PCDHA11: variants seen among roughly 807,000 people sequenced by gnomAD.
PCDHA11 encodes protocadherin alpha-11.
A neutral mutation model predicts 70.3 loss-of-function variants in PCDHA11; 61 were observed. That is an observed-to-expected ratio of 0.87 (90% CI 0.71 to 1.07). The LOEUF (loss-of-function observed/expected upper bound fraction) is 1.07. PCDHA11 is among the 50% of genes least tolerant of loss of function. The pLI, the probability that PCDHA11 is intolerant of heterozygous loss-of-function variation, is 0.00. For synonymous variants in PCDHA11, 633 were observed against 555.1 expected, an observed-to-expected ratio of 1.14 and a Z score of -1.97; for missense variants, 1,324 against 1,237.5, an observed-to-expected ratio of 1.07 and a Z score of -1.05.
chr5:141,008,470 C>T (rs2098378498), intron 3 of PCDHA11, among the ~76,000 whole-genome samples: 1 of 152,156 alleles, frequency 6.6e-6, no homozygotes, highest in Non-Finnish European at 1.5e-5. Context: ...GCTCTGACTT[C>T]TACTCTTCTA....
chr5:140,897,361 G>A (rs1455815825), intron 1 of PCDHA11, among the ~76,000 whole-genome samples: 1 of 123,218 alleles, frequency 8.1e-6, no homozygotes, highest in Non-Finnish European at 1.6e-5. Context: ...TGTCCCCAGA[G>A]TGTGATGTTC....
intron 1 of PCDHA11, chr5:140,875,947 G>A: frequency 6.2e-7 from 1 of 1,614,184 alleles, no homozygotes; most frequent in South Asian, 1.1e-5. Context: ...GGGCGCTTCT[G>A]ATGCGGATAT....
At chr5:140,918,313 T>C (rs1406314903) in intron 1 of PCDHA11, among the ~76,000 whole-genome samples, 3 of 152,146 alleles carry the variant, frequency 2.0e-5, no homozygotes, top group African/African-American at 7.2e-5. Context: ...GTTTTCTAGG[T>C]ATAAAATTAT....
chr5:140,877,155 C>G (rs782559744), intron 1 of PCDHA11: 21 of 1,613,680 alleles, frequency 1.3e-5, no homozygotes, highest in Non-Finnish European at 1.8e-5. Flanking sequence ...AGAACGACAA[C>G]GCGCCGGCAC....
chr5:140,892,941 A>G (rs1554185454), intron 1 of PCDHA11, among the ~76,000 whole-genome samples: 1 of 152,178 alleles, frequency 6.6e-6, no homozygotes, highest in African/African-American at 2.4e-5. Context: ...GATAAGCACA[A>G]TACTACTTCC....
intron 1 of PCDHA11, chr5:140,875,665 C>A: frequency 6.2e-7 from 1 of 1,613,748 alleles, no homozygotes; most frequent in Non-Finnish European, 8.5e-7. Flanking sequence ...GCGCCTGTTC[C>A]GGGTGGCGTC....
intron 1 of PCDHA11, among the ~76,000 whole-genome samples, chr5:140,905,881 T>C (rs1241086266): frequency 1.3e-5 from 2 of 152,080 alleles, no homozygotes; most frequent in Non-Finnish European, 2.9e-5. Context: ...GGCCCAACAA[T>C]AGGCCATCTG....
At chr5:140,968,697 C>G in intron 1 of PCDHA11, 2 of 1,614,144 alleles carry the variant, frequency 1.2e-6, no homozygotes, top group South Asian at 2.2e-5. Flanking sequence ...GAAATTAGGA[C>G]TACCAGGAAG....
chr5:140,877,242 G>A, intron 1 of PCDHA11: 1 of 1,613,732 alleles, frequency 6.2e-7, no homozygotes, highest in Non-Finnish European at 8.5e-7. Flanking sequence ...CGGGCCACGT[G>A]GTGGCGAAAG....
chr5:140,883,693 C>T (rs2059756382), intron 1 of PCDHA11: 2 of 1,613,790 alleles, frequency 1.2e-6, no homozygotes, highest in Non-Finnish European at 1.7e-6. Flanking sequence ...GCCACATCTT[C>T]ACGGTGTCTG....
intron 3 of PCDHA11, 66 bp from the exon 4 acceptor site, chr5:141,009,561 A>C: frequency 6.4e-7 from 1 of 1,571,278 alleles, no homozygotes; most frequent in Non-Finnish European, 8.6e-7. Context: ...CCTGTACTCT[A>C]CCAGCAGTGT....
chr5:140,895,617 G>A (rs782388218), intron 1 of PCDHA11, among the ~76,000 whole-genome samples: 2 of 152,084 alleles, frequency 1.3e-5, no homozygotes, highest in Non-Finnish European at 2.9e-5. Context: ...CTCATTGAGG[G>A]TGTTGTCTTT....
intron 1 of PCDHA11, among the ~76,000 whole-genome samples, chr5:140,971,377 T>C (rs2096474353): frequency 6.6e-6 from 1 of 152,210 alleles, no homozygotes; most frequent in African/African-American, 2.4e-5. Flanking sequence ...AGTGCATGAC[T>C]TTAATAAAGG....
Position 140,966,485 on chromosome 5 carries a change from C to G in PCDHA11, c.2392-12464C>G, listed in dbSNP as rs564574047. 5.5e-4 allele frequency: 237 copies of G among 432,246 alleles called. 1 individual carries two copies. The highest frequency in any genetic ancestry group is 4.6e-3 in the African/African-American group (223 of 48,858). 26.8% of individuals were successfully genotyped at this position (432,246 alleles called of 1,614,324 possible). A position where few individuals can be genotyped will look rare whatever the true frequency, so the allele number is the denominator to read the frequency against. Reference sequence around the variant, plus strand: ...TCTTCCCTTCTGTTTCCTTTTCCCTCCCCCTGGAGCTGTAGCGGCAGCAGC... The same window carrying G: ...TCTTCCCTTCTGTTTCCTTTTCCCTGCCCCTGGAGCTGTAGCGGCAGCAGC... On this transcript the variant is annotated intron_variant, in intron 1 of 3. Transcript: ENST00000398640.
chr5:140,989,948 C>T (rs1046056940), intron 3 of PCDHA11, among the ~76,000 whole-genome samples: 2 of 151,988 alleles, frequency 1.3e-5, no homozygotes, highest in Admixed American at 6.6e-5. Context: ...ACGTTTTTCT[C>T]GGTGAGACCA....
At chr5:140,884,381 T>C in intron 1 of PCDHA11, 2 of 1,613,986 alleles carry the variant, frequency 1.2e-6, no homozygotes, top group Non-Finnish European at 1.7e-6. Flanking sequence ...CATTGCCATC[T>C]GCGCGGTGTC....
At chr5:140,947,610 C>T (rs989640335) in intron 1 of PCDHA11, among the ~76,000 whole-genome samples, 3 of 151,562 alleles carry the variant, frequency 2.0e-5, no homozygotes, top group South Asian at 2.1e-4. Flanking sequence ...GATTTGGTAT[C>T]TTAACAATAT....
At chr5:140,927,674 A>C (rs201769803) in intron 1 of PCDHA11, 1 of 1,614,182 alleles carries the variant, frequency 6.2e-7, no homozygotes, top group Admixed American at 1.7e-5. Flanking sequence ...TTGGATCCAG[A>C]TGAAGGGTCC....
chr5:141,000,379 CTCTCTCTCTCTCTCTCTA>C (rs1224441934), intron 3 of PCDHA11, among the ~76,000 whole-genome samples: 4 of 60,364 alleles, frequency 6.6e-5, no homozygotes, highest in Non-Finnish European at 9.2e-5. Flanking sequence ...CTCTCTCTCT[CTCTCTCTCTCTCTCTCTA>C]TATATATATA....
Sources: gnomAD v4.1 joint callset for allele counts (sites outside exome capture counted in the v4.1 genomes callset) on GRCh38, gnomAD v4.1.1 for gene constraint, MANE v1.5 for transcripts, NCBI Gene and HGNC (gene_info 2026-07-23, HGNC 2026-07-21) for gene names.